SERINC5: variants seen among roughly 807,000 people sequenced by gnomAD.
SERINC5 encodes chromosome 5 open reading frame 12.
Under a neutral mutation model 63.1 loss-of-function variants are expected in SERINC5, and 41 were observed. The ratio of observed to expected loss-of-function variants is 0.65; its 90% CI spans 0.51 to 0.84. The LOEUF is 0.84. Among genes scored for constraint, SERINC5 ranks in the 40% least tolerant of loss-of-function variants. SERINC5 has a pLI of 0.00. For missense variants in SERINC5, 523 were observed against 573.0 expected (o/e 0.91, Z 0.89); for synonymous variants, 222 against 215.2 (o/e 1.03, Z -0.28).
intron 1 of SERINC5, among the ~76,000 whole-genome samples, chr5:80,222,887 TCTCA>T: frequency 1.3e-5 from 2 of 152,122 alleles, no homozygotes; most frequent in Middle Eastern, 6.8e-3. Flanking sequence ...TTTTAGACAG[TCTCA>T]CTCTGTTGCC....
downstream of SERINC5, among the ~76,000 whole-genome samples, chr5:80,134,863 A>C (rs1454806033): frequency 6.6e-6 from 1 of 152,220 alleles, no homozygotes. Context: ...CGTATCTTAA[A>C]AAGATTGGTG....
At position 80,206,104 on chromosome 5, in the gene SERINC5, C is replaced by T. The variant is rs139833978; in HGVS notation, c.28-3051G>A. 1.6e-3 allele frequency among the ~76,000 whole-genome samples: 243 copies of T among 151,774 alleles called. 2 individuals carry two copies. The highest frequency in any genetic ancestry group is 5.6e-3 in the African/African-American group (233 of 41,376). ...CAGAAAGGAGTCCCTGTTAAGCCAA[C>T]AGGGCAATGCTACAAGAAATTACCA... is the stretch of plus-strand genomic sequence containing the variant. On this transcript the variant is annotated intron_variant, in intron 1 of 11. Coordinates refer to ENST00000507668, the MANE Select transcript of SERINC5 (RefSeq NM_001174072.3).
chr5:80,214,570 A>AC (rs1554069225), intron 1 of SERINC5, among the ~76,000 whole-genome samples: 1 of 151,088 alleles, frequency 6.6e-6, no homozygotes, highest in East Asian at 1.9e-4. Flanking sequence ...CAAAAAAAAA[A>AC]CGAACAAAAA....
chr5:80,183,135 G>T (rs1220136980), intron 2 of SERINC5, among the ~76,000 whole-genome samples: 4,614 of 152,242 alleles, frequency 0.03, 244 homozygotes, highest in African/African-American at 0.1. Flanking sequence ...AAGGCCACTG[G>T]GAACAGGTGA....
In SERINC5 at chr5:80,144,905, A is replaced by G. The variant is rs185310301; in HGVS notation, c.1239-1095T>C. ...TAAGCTTAACTTAGTGGTCAAAAAAATTATGATACAACCAAAGCTGTGGAC... is the reference window on the plus strand; with the variant it reads ...TAAGCTTAACTTAGTGGTCAAAAAAGTTATGATACAACCAAAGCTGTGGAC... On this transcript the variant is annotated intron_variant, in intron 11 of 11. Transcript: ENST00000507668. Among the ~76,000 whole-genome samples, 147 of 152,066 alleles carry G rather than the reference A, an allele frequency of 9.7e-4. 2 individuals carry two copies. The highest frequency in any genetic ancestry group is 1.6e-4 in the Non-Finnish European group (11 of 67,992).
intron 7 of SERINC5, among the ~76,000 whole-genome samples, chr5:80,159,959 A>G (rs1473345641): frequency 6.6e-6 from 1 of 152,166 alleles, no homozygotes; most frequent in East Asian, 1.9e-4. Flanking sequence ...TTTGTAATAA[A>G]TCAGTAAAGA....
In SERINC5 at chr5:80,150,928, G is replaced by T. The variant is rs768554900; in HGVS notation, c.1007C>A (p.Ser336Ter). The T allele has an allele frequency of 6.2e-7, 1 of 1,613,354 alleles. No individual in the cohort carries two copies. The highest frequency in any genetic ancestry group is 8.5e-7 in the Non-Finnish European group (1 of 1,179,318). ...TCGCCCCTGCAGAGCGTCAGAACTC[G>T]ATCTTGTTGTTGATGTCAAACTAAG... is the stretch of plus-strand genomic sequence containing the variant. ...LYSCLTSTTR[S>*]SSDALQGRYA... The change falls in exon 9 of 12, where the codon TCG becomes TAG. Residue 336 changes from serine (S) to a stop codon, truncating the protein, a stop_gained. Transcript: ENST00000507668. LOFTEE classifies it high-confidence loss of function.
chr5:80,155,603 A>G, intron 8 of SERINC5, among the ~76,000 whole-genome samples: 1 of 149,906 alleles, frequency 6.7e-6, no homozygotes. Context: ...AAGGAGAGAG[A>G]GAGAGAGAAA....
rs1240229677 is a variant in SERINC5 at position 80,251,279 on chromosome 5, AATACATACATGCATAC to A, written c.27+4601_27+4616del. Among the ~76,000 whole-genome samples, 245 of 133,872 alleles carry A rather than the reference AATACATACATGCATAC, an allele frequency of 1.8e-3. 1 individual carries two copies. Among genetic ancestry groups the A allele is most frequent in the African/African-American group, 3.8e-3 (133 of 34,902 alleles). 87.8% of individuals were successfully genotyped at this position (133,872 alleles called of 152,430 possible). A position where few individuals can be genotyped will look rare whatever the true frequency, so the allele number is the denominator to read the frequency against. On this transcript the variant is annotated intron_variant, in intron 1 of 11. Coordinates refer to ENST00000507668, the MANE Select transcript of SERINC5 (RefSeq NM_001174072.3). Reference sequence around the variant, plus strand: ...GGGCAAGAGCTAGATCCCATCTTTAAATACATACATGCATACATACATACATACATACATACATACA... The same window carrying A: ...GGGCAAGAGCTAGATCCCATCTTTAAATACATACATACATACATACATACA...
chr5:80,114,362 A>G (rs1365316484), intron 11 of SERINC5, among the ~76,000 whole-genome samples: 1 of 151,790 alleles, frequency 6.6e-6, no homozygotes, highest in Non-Finnish European at 1.5e-5. Context: ...CTCTTAAATC[A>G]TCAGATCACG....
At position 80,203,119 on chromosome 5, in the gene SERINC5, G is replaced by A. The variant is rs962438541; in HGVS notation, c.28-66C>T. On this transcript the variant is annotated intron_variant, in intron 1 of 11. Coordinates refer to ENST00000507668, the MANE Select transcript of SERINC5 (RefSeq NM_001174072.3). ...TGTGATAGAATAAGAAACATGGCCA[G>A]GCACTGTGGTACACATCTGGAGTCC... 3 of 1,466,346 alleles carry A rather than the reference G, an allele frequency of 2.0e-6. No individual in the cohort carries two copies. In the African/African-American group the frequency reaches 4.2e-5, roughly 21 times the overall value. 90.8% of individuals were successfully genotyped at this position (1,466,346 alleles called of 1,614,324 possible). A position where few individuals can be genotyped will look rare whatever the true frequency, so the allele number is the denominator to read the frequency against.
chr5:80,142,631 G>A lies in SERINC5; in HGVS notation c.*1032C>T. 1.0e-6 allele frequency: 1 copy of A among 985,400 alleles called. No individual in the cohort carries two copies. Among genetic ancestry groups the A allele is most frequent in the Non-Finnish European group, 1.2e-6 (1 of 829,940 alleles). The allele number at this position is 985,400 out of a possible 1,614,324, so 61.0% of individuals were successfully genotyped here. A position where few individuals can be genotyped will look rare whatever the true frequency, so the allele number is the denominator to read the frequency against. ...ATGCCAGCATGAACCTGAACGGTATGGTCACGTTACAGATCCAGAACACAA... is the reference window on the plus strand; with the variant it reads ...ATGCCAGCATGAACCTGAACGGTATAGTCACGTTACAGATCCAGAACACAA... On this transcript the variant is annotated 3_prime_UTR_variant, in exon 12 of 12. Coordinates refer to ENST00000507668, the MANE Select transcript of SERINC5 (RefSeq NM_001174072.3).
chr5:80,160,400 G>C (rs144726791), intron 7 of SERINC5, among the ~76,000 whole-genome samples: 3 of 152,168 alleles, frequency 2.0e-5, no homozygotes, highest in African/African-American at 7.2e-5. Flanking sequence ...ACCTAGGTCT[G>C]ACTGCCAACT....
At chr5:80,240,974 G>A (rs529626799) in intron 1 of SERINC5, among the ~76,000 whole-genome samples, 225 of 152,272 alleles carry the variant, frequency 1.5e-3, no homozygotes, top group Non-Finnish European at 2.2e-3. Flanking sequence ...GTGCTCGGCC[G>A]TGTATTTCTG....
intron 11 of SERINC5, among the ~76,000 whole-genome samples, chr5:80,131,398 T>G (rs1223532378): frequency 1.3e-5 from 2 of 152,212 alleles, no homozygotes; most frequent in African/African-American, 4.8e-5. Flanking sequence ...ATTTATAAAT[T>G]ACCCAGTCTT....
In SERINC5 at chr5:80,202,131, G is replaced by A. The variant is rs1335868224; in HGVS notation, c.195+755C>T. On this transcript the variant is annotated intron_variant, in intron 2 of 11. Coordinates refer to ENST00000507668, the MANE Select transcript of SERINC5 (RefSeq NM_001174072.3). ...GGGGCACCTGTAATCCCAGCTACTA[G>A]GGAGGCTGAGGCAGAAGAATCGCTT... 2.6e-5 allele frequency among the ~76,000 whole-genome samples: 4 copies of A among 152,054 alleles called. No individual in the cohort carries two copies. In the East Asian group the frequency reaches 7.7e-4, roughly 29 times the overall value.
chr5:80,248,733 G>C (rs1430872933), intron 1 of SERINC5, among the ~76,000 whole-genome samples: 1 of 152,178 alleles, frequency 6.6e-6, no homozygotes, highest in Non-Finnish European at 1.5e-5. Context: ...AGGCCTCAAT[G>C]TTAATGCAGT....
intron 1 of SERINC5, among the ~76,000 whole-genome samples, chr5:80,233,805 C>CTTTTTTTT (rs373920343): frequency 6.0e-4 from 42 of 69,944 alleles, no homozygotes; most frequent in East Asian, 9.0e-4. Flanking sequence ...TCAACTTTTA[C>CTTTTTTTT]TTTTTTTTTT....
At chr5:80,226,223 AT>A (rs2112551806) in intron 1 of SERINC5, among the ~76,000 whole-genome samples, 1 of 152,112 alleles carries the variant, frequency 6.6e-6, no homozygotes, top group East Asian at 1.9e-4. Flanking sequence ...TGCCTGGCTA[AT>A]TTTTTGTATT....
Sources: gnomAD v4.1 joint callset for allele counts (sites outside exome capture counted in the v4.1 genomes callset) on GRCh38, gnomAD v4.1.1 for gene constraint, MANE v1.5 for transcripts, NCBI Gene and HGNC (gene_info 2026-07-23, HGNC 2026-07-21) for gene names.